LTBP1: variants seen among roughly 807,000 people sequenced by gnomAD.
LTBP1 encodes the protein latent transforming growth factor beta binding protein 1.
In LTBP1, 129 loss-of-function variants were observed where a neutral mutation model predicts 207.6. That is an observed-to-expected ratio of 0.62 (90% CI 0.54 to 0.72). The LOEUF (loss-of-function observed/expected upper bound fraction) is 0.72, where lower values mean the gene tolerates loss of function less well. Ranked by LOEUF, LTBP1 falls within the 30% of genes least tolerant of loss-of-function variation. The pLI is 0.00. For missense variants in LTBP1, 2,281 were observed against 2,217.2 expected (o/e 1.03, Z -0.58); for synonymous variants, 963 against 833.7 (o/e 1.16, Z -2.67).
At chr2:33,375,234 G>T (rs575110368) in intron 31 of LTBP1, among the ~76,000 whole-genome samples, 1 of 152,152 alleles carries the variant, frequency 6.6e-6, no homozygotes, top group Non-Finnish European at 1.5e-5. Flanking sequence ...CAGTAAATGC[G>T]CCATAGCGAA....
At chr2:33,327,223 G>A (rs1328158469) in intron 24 of LTBP1, among the ~76,000 whole-genome samples, 1 of 152,084 alleles carries the variant, frequency 6.6e-6, no homozygotes, top group Non-Finnish European at 1.5e-5. Flanking sequence ...ATGCTTTACA[G>A]TAAACTATGA....
intron 5 of LTBP1, among the ~76,000 whole-genome samples, chr2:33,181,676 C>T (rs1158117121): frequency 6.6e-6 from 1 of 152,214 alleles, no homozygotes; most frequent in Non-Finnish European, 1.5e-5. Flanking sequence ...TGGAATGTCT[C>T]AGCCAGCATT....
chr2:32,974,551 C>G (rs191486853), intron 2 of LTBP1, among the ~76,000 whole-genome samples: 2 of 144,796 alleles, frequency 1.4e-5, no homozygotes, highest in Non-Finnish European at 3.2e-5. Context: ...TTCACTGTTT[C>G]CTTTGCTGTG....
At chr2:33,229,847 C>G (rs2091686565) in intron 9 of LTBP1, among the ~76,000 whole-genome samples, 2 of 152,138 alleles carry the variant, frequency 1.3e-5, no homozygotes, top group South Asian at 4.1e-4. Flanking sequence ...CAGTGTTATA[C>G]TTTTTGGCAA....
chr2:33,263,726 G>T (rs1474400029), intron 15 of LTBP1, among the ~76,000 whole-genome samples: 2 of 152,170 alleles, frequency 1.3e-5, no homozygotes, highest in Middle Eastern at 3.4e-3. Context: ...GGCCAAGGCA[G>T]GCAGATCACA....
chr2:33,330,757 A>G (rs957506046), intron 24 of LTBP1, among the ~76,000 whole-genome samples: 2 of 147,582 alleles, frequency 1.4e-5, no homozygotes, highest in Non-Finnish European at 3.0e-5. Flanking sequence ...GGACCCAGAC[A>G]ATATCTTTTT....
At chr2:33,156,977 T>A (rs1221291308) in intron 5 of LTBP1, among the ~76,000 whole-genome samples, 1 of 152,188 alleles carries the variant, frequency 6.6e-6, no homozygotes, top group Non-Finnish European at 1.5e-5. Context: ...ATGAAGAAAT[T>A]TACAAACTTG....
chr2:33,179,821 G>T (rs1437761054), intron 5 of LTBP1, among the ~76,000 whole-genome samples: 1 of 152,010 alleles, frequency 6.6e-6, no homozygotes, highest in Non-Finnish European at 1.5e-5. Context: ...GATCTGCCTG[G>T]GTCCTAAGTT....
intron 5 of LTBP1, among the ~76,000 whole-genome samples, chr2:33,176,945 G>A (rs1213992999): frequency 6.6e-6 from 1 of 152,176 alleles, no homozygotes; most frequent in Admixed American, 6.5e-5. Flanking sequence ...TATGTGCTGA[G>A]TTCTGTGTAC....
At chr2:33,310,533 A>G (rs73925011) in intron 23 of LTBP1, among the ~76,000 whole-genome samples, 427 of 152,292 alleles carry the variant, frequency 2.8e-3, no homozygotes, top group African/African-American at 9.3e-3. Context: ...CATTTTGTGC[A>G]TGAGTAACTG....
At chr2:33,080,857 T>C (rs1475919975) in intron 3 of LTBP1, among the ~76,000 whole-genome samples, 3 of 152,230 alleles carry the variant, frequency 2.0e-5, no homozygotes, top group Admixed American at 6.5e-5. Flanking sequence ...CATATATGCA[T>C]ATATGGTAGA....
At chr2:33,294,105 A>G (rs2093827047) in intron 20 of LTBP1, among the ~76,000 whole-genome samples, 1 of 142,144 alleles carries the variant, frequency 7.0e-6, no homozygotes. Flanking sequence ...CTCCAAGTTC[A>G]AGTGATTCTC....
chr2:32,967,327 C>G (rs1342527174), intron 2 of LTBP1, among the ~76,000 whole-genome samples: 1 of 152,002 alleles, frequency 6.6e-6, no homozygotes, highest in African/African-American at 2.4e-5. Flanking sequence ...GATTTCTGCT[C>G]TAATTTTCAT....
intron 4 of LTBP1, among the ~76,000 whole-genome samples, chr2:33,113,988 G>A (rs758942959): frequency 3.9e-5 from 6 of 152,150 alleles, no homozygotes; most frequent in Non-Finnish European, 5.9e-5. Flanking sequence ...TTACAGGTGT[G>A]TGCCACTACT....
chr2:33,173,899 A>C (rs1441635477), intron 5 of LTBP1, among the ~76,000 whole-genome samples: 1 of 146,168 alleles, frequency 6.8e-6, no homozygotes, highest in Non-Finnish European at 1.5e-5. Flanking sequence ...AACCAAAGAC[A>C]AAAACCACAT....
intron 2 of LTBP1, among the ~76,000 whole-genome samples, chr2:33,007,600 G>A (rs955326714): frequency 4.6e-5 from 7 of 152,182 alleles, no homozygotes; most frequent in African/African-American, 1.4e-4. Context: ...AGAACAAAAT[G>A]GTAGCATATT....
At chr2:32,953,132 GA>G (rs986033084) in intron 2 of LTBP1, among the ~76,000 whole-genome samples, 2 of 152,110 alleles carry the variant, frequency 1.3e-5, no homozygotes, top group African/African-American at 4.8e-5. Context: ...TACTTTTGGG[GA>G]AAAAACCCAA....
intron 3 of LTBP1, among the ~76,000 whole-genome samples, chr2:33,071,046 T>A (rs544029325): frequency 3.2e-4 from 49 of 152,306 alleles, no homozygotes; most frequent in Non-Finnish European, 5.6e-4. Flanking sequence ...CAGCCACTCA[T>A]AGTGGGTTCA....
intron 2 of LTBP1, among the ~76,000 whole-genome samples, chr2:33,000,016 G>C (rs1390578621): frequency 1.5e-5 from 2 of 134,316 alleles, no homozygotes; most frequent in African/African-American, 5.2e-5. Flanking sequence ...CTCTACTCCA[G>C]AGAGCCAGTA....
Sources: gnomAD v4.1 joint callset for allele counts (sites outside exome capture counted in the v4.1 genomes callset) on GRCh38, gnomAD v4.1.1 for gene constraint, MANE v1.5 for transcripts, NCBI Gene and HGNC (gene_info 2026-07-23, HGNC 2026-07-21) for gene names.